Variants in OGDH observed in about 807,000 individuals in gnomAD.
OGDH encodes 2-oxoglutarate dehydrogenase complex component E1.
Under a neutral mutation model 116.6 loss-of-function variants are expected in OGDH, and 38 were observed. The ratio of observed to expected loss-of-function variants is 0.33; its 90% CI spans 0.25 to 0.43. OGDH has a LOEUF of 0.43. OGDH is among the 20% of genes least tolerant of loss of function. The pLI is 1.00. For synonymous variants in OGDH, 488 were observed against 533.3 expected (o/e 0.92, Z 1.17); for missense variants, 825 against 1,357.2 (o/e 0.61, Z 6.16).
chr7:44,700,330 A>C, intron 19 of OGDH, 61 bp downstream of exon 19: 2 of 1,594,700 alleles, frequency 1.3e-6, no homozygotes, highest in Non-Finnish European at 1.7e-6. Flanking sequence ...GGTGCAGGGA[A>C]GGGCTCCTCA....
intron 2 of OGDH, among the ~76,000 whole-genome samples, chr7:44,643,327 T>G (rs952961734): frequency 9.9e-5 from 15 of 152,284 alleles, no homozygotes; most frequent in East Asian, 9.7e-4. Context: ...CTCTGGTGGT[T>G]GTTTTCTTTA....
At chr7:44,676,985 T>G (rs1327540144) in intron 9 of OGDH, among the ~76,000 whole-genome samples, 1 of 152,138 alleles carries the variant, frequency 6.6e-6, no homozygotes, top group African/African-American at 2.4e-5. Context: ...GGGTCCTGCT[T>G]CACCATTTCT....
chr7:44,610,778 T>A lies in OGDH; in HGVS notation c.-28+4125T>A, dbSNP rs375393559. Among the ~76,000 whole-genome samples, 20 of 152,050 alleles carry A rather than the reference T, an allele frequency of 1.3e-4. 2 individuals carry two copies. In the East Asian group the frequency reaches 1.7e-3, roughly 13 times the overall value. ...CGTGCCACCACGCCCGGCTAATTCT[T>A]TTGTATTTTTAGTAGAGACGGGCTT... On this transcript the variant is annotated intron_variant, in intron 1 of 22. Coordinates refer to ENST00000222673, the MANE Select transcript of OGDH (RefSeq NM_002541.4).
At chr7:44,611,086 T>G (rs1241847619) in intron 1 of OGDH, among the ~76,000 whole-genome samples, 1 of 150,374 alleles carries the variant, frequency 6.7e-6, no homozygotes, top group Non-Finnish European at 1.5e-5. Context: ...TTTTTTTTTT[T>G]TTTTTGGAGA....
intron 1 of OGDH, 26 bp from the exon 2 acceptor site, chr7:44,624,291 G>GGTTT: frequency 2.6e-6 from 2 of 757,960 alleles, no homozygotes; most frequent in East Asian, 2.9e-5. Flanking sequence ...TTTCTTTCTT[G>GGTTT]TTTTTTTTTT....
At chr7:44,616,331 T>C (rs1469308445) in intron 1 of OGDH, among the ~76,000 whole-genome samples, 2 of 152,166 alleles carry the variant, frequency 1.3e-5, no homozygotes, top group Non-Finnish European at 2.9e-5. Context: ...TCTCAGATGC[T>C]GTGGGGCCAC....
chr7:44,693,813 T>C lies in OGDH; in HGVS notation c.1336-12T>C. The C allele has an allele frequency of 6.4e-7, 1 of 1,569,762 alleles. No homozygotes were observed. Among genetic ancestry groups the C allele is most frequent in the Non-Finnish European group, 8.7e-7 (1 of 1,150,618 alleles). On this transcript the variant is annotated splice_polypyrimidine_tract_variant and intron_variant, in intron 10 of 22. Coordinates refer to ENST00000222673, the MANE Select transcript of OGDH (RefSeq NM_002541.4). The stretch of plus-strand genomic sequence containing the variant: ...CCAGGTGCCCTCTTGCTAGGCTACA[T>C]GTTCCTTGCAGATCGGCTTCACCAC...
intron 1 of OGDH, among the ~76,000 whole-genome samples, chr7:44,609,206 A>G (rs1392464593): frequency 6.6e-6 from 1 of 151,966 alleles, no homozygotes; most frequent in Non-Finnish European, 1.5e-5. Flanking sequence ...GTTGCGTGTT[A>G]TGGGTAGTTC....
intron 4 of OGDH, among the ~76,000 whole-genome samples, chr7:44,660,128 C>T (rs1411969272): frequency 6.6e-6 from 1 of 151,972 alleles, no homozygotes; most frequent in Non-Finnish European, 1.5e-5. Flanking sequence ...TTTTCATTTT[C>T]TTTCAGTTGT....
chr7:44,675,393 C>T (rs1787648808), intron 8 of OGDH, 125 bp downstream of exon 8: 1 of 806,508 alleles, frequency 1.2e-6, no homozygotes, highest in Admixed American at 2.1e-5. Context: ...ATTTGCCTTC[C>T]TTGTTGGGAG....
intron 4 of OGDH, among the ~76,000 whole-genome samples, chr7:44,660,799 G>A (rs764494565): frequency 6.6e-5 from 10 of 152,078 alleles, no homozygotes; most frequent in East Asian, 3.9e-4. Context: ...ATGATCGCGC[G>A]TGCCTGTAGT....
intron 20 of OGDH, among the ~76,000 whole-genome samples, chr7:44,705,863 G>A (rs532459059): frequency 3.9e-5 from 6 of 152,194 alleles, no homozygotes; most frequent in Non-Finnish European, 8.8e-5. Flanking sequence ...TACGATACAT[G>A]TTTGTTAACC....
intron 4 of OGDH, among the ~76,000 whole-genome samples, chr7:44,654,583 T>C (rs1786602477): frequency 6.6e-6 from 1 of 152,190 alleles, no homozygotes; most frequent in Non-Finnish European, 1.5e-5. Context: ...CAGCGTGCTG[T>C]GTGCCACAGA....
intron 1 of OGDH, among the ~76,000 whole-genome samples, chr7:44,616,614 T>C (rs1784777456): frequency 7.1e-6 from 1 of 140,310 alleles, no homozygotes; most frequent in Non-Finnish European, 1.5e-5. Context: ...TACATATATA[T>C]ATGTATATAT....
rs139591515 is a variant in OGDH at position 44,624,278 on chromosome 7, AC to A, written c.-27-37del. 1,168 of 1,379,558 alleles carry A rather than the reference AC, an allele frequency of 8.5e-4. 7 individuals carry two copies. In the African/African-American group the frequency reaches 0.016, roughly 19 times the overall value. 85.5% of individuals were successfully genotyped at this position (1,379,558 alleles called of 1,614,324 possible). A position where few individuals can be genotyped will look rare whatever the true frequency, so the allele number is the denominator to read the frequency against. On this transcript the variant is annotated intron_variant, in intron 1 of 22. Transcript: ENST00000222673. ...TGTCTCCTAAATACTCATTTTTAAA[AC>A]CTTTCTTTCTTGTTTTTTTTTTTTT...
chr7:44,670,573 C>T (rs1787388027), intron 5 of OGDH, among the ~76,000 whole-genome samples: 1 of 152,124 alleles, frequency 6.6e-6, no homozygotes, highest in African/African-American at 2.4e-5. Context: ...TATGGATCCC[C>T]AAGTGTCTGT....
intron 20 of OGDH, among the ~76,000 whole-genome samples, chr7:44,705,244 G>A (rs1789020968): frequency 6.8e-6 from 1 of 147,400 alleles, no homozygotes; most frequent in Non-Finnish European, 1.5e-5. Flanking sequence ...AGTAGAGACG[G>A]GGTTTCACCG....
chr7:44,707,526 GA>G lies in OGDH; in HGVS notation c.2797-55del. The G allele has an allele frequency of 6.2e-7, 1 of 1,605,632 alleles. No individual in the cohort carries two copies. The highest frequency in any genetic ancestry group is 1.1e-5 in the South Asian group (1 of 90,520). On this transcript the variant is annotated intron_variant, in intron 21 of 22. Coordinates refer to ENST00000222673, the MANE Select transcript of OGDH (RefSeq NM_002541.4). This position sits in a 1 kb window ranked among gnomAD's most constrained non-coding sequence, Gnocchi z 5.2. The stretch of plus-strand genomic sequence containing the variant: ...TCGGAACACCAGTTTCCCTTTGCTG[GA>G]TCTTGCCTGCCCTCTGAGTTTCCTC...
intron 10 of OGDH, among the ~76,000 whole-genome samples, chr7:44,691,058 T>A (rs918675490): frequency 1.2e-4 from 18 of 152,182 alleles, no homozygotes; most frequent in African/African-American, 4.3e-4. Context: ...ATTTTCTTTA[T>A]CTCTTTACTG....
Sources: gnomAD v4.1 joint callset for allele counts (sites outside exome capture counted in the v4.1 genomes callset) on GRCh38, gnomAD v4.1.1 for gene constraint, Gnocchi (gnomAD v3.1) non-coding constraint, MANE v1.5 for transcripts, NCBI Gene and HGNC (gene_info 2026-07-23, HGNC 2026-07-21) for gene names.